ST3GAL3: variants seen among roughly 807,000 people sequenced by gnomAD.
The protein encoded by ST3GAL3 is CMP-N-acetylneuraminate-beta-1,4-galactoside alpha-2,3-sialyltransferase.
A neutral mutation model predicts 50.1 loss-of-function variants in ST3GAL3; 21 were observed. The observed-to-expected ratio is 0.42, with a 90% CI of 0.30 to 0.60. The LOEUF is 0.60. ST3GAL3 is among the 20% of genes least tolerant of loss of function. The pLI, the probability that ST3GAL3 is intolerant of heterozygous loss-of-function variation, is 0.19. For missense variants in ST3GAL3, 353 were observed against 489.4 expected, an observed-to-expected ratio of 0.72 and a Z score of 2.63; for synonymous variants, 183 against 190.0, an observed-to-expected ratio of 0.96 and a Z score of 0.30.
chr1:43,740,875 G>GGA (rs1191131065), intron 2 of ST3GAL3, among the ~76,000 whole-genome samples: 4 of 149,392 alleles, frequency 2.7e-5, no homozygotes, highest in South Asian at 4.3e-4. Flanking sequence ...GGAGGAAGAG[G>GGA]GAGAGAGAGA....
chr1:43,862,988 A>G (rs2070384362), intron 5 of ST3GAL3, among the ~76,000 whole-genome samples: 1 of 152,116 alleles, frequency 6.6e-6, no homozygotes, highest in African/African-American at 2.4e-5. Flanking sequence ...CCTTCAAAAC[A>G]TTGAGTTTGA....
In ST3GAL3 at chr1:43,826,621, C is replaced by T. The variant is rs536455132; in HGVS notation, c.210-11598C>T. Among the ~76,000 whole-genome samples, 20 of 152,230 alleles carry T rather than the reference C, an allele frequency of 1.3e-4. No individual in the cohort carries two copies. In the South Asian group the frequency reaches 1.7e-3, roughly 13 times the overall value. The stretch of plus-strand genomic sequence containing the variant: ...ATTACTCTAGACATTACCCTATTAC[C>T]CAAATAAAGATATTATAAGAAAGGA... On this transcript the variant is annotated intron_variant, in intron 4 of 11. Coordinates refer to ENST00000347631, the MANE Select transcript of ST3GAL3 (RefSeq NM_006279.5).
intron 2 of ST3GAL3, among the ~76,000 whole-genome samples, chr1:43,759,760 C>T (rs1023600194): frequency 2.0e-5 from 3 of 152,194 alleles, no homozygotes; most frequent in Non-Finnish European, 2.9e-5. Flanking sequence ...TTATATTTCT[C>T]ACTGCCACAC....
intron 1 of ST3GAL3, among the ~76,000 whole-genome samples, chr1:43,708,500 T>C (rs542708620): frequency 1.3e-5 from 2 of 152,332 alleles, no homozygotes; most frequent in African/African-American, 4.8e-5. Flanking sequence ...GAAAAAACTC[T>C]TATTAGGTTA....
intron 2 of ST3GAL3, among the ~76,000 whole-genome samples, chr1:43,779,918 C>T (rs529678214): frequency 2.0e-5 from 3 of 152,302 alleles, no homozygotes; most frequent in Admixed American, 2.0e-4. Flanking sequence ...GATTGTCTAT[C>T]AGCTTCATTT....
intron 3 of ST3GAL3, among the ~76,000 whole-genome samples, chr1:43,792,835 C>G (rs974874640): frequency 1.8e-4 from 27 of 152,316 alleles, no homozygotes; most frequent in African/African-American, 6.0e-4. Flanking sequence ...TGGGAAGAGA[C>G]TACTTTGATT....
At chr1:43,919,957 A>G in intron 9 of ST3GAL3, 1 of 305,654 alleles carries the variant, frequency 3.3e-6, no homozygotes, top group Non-Finnish European at 6.3e-6. Flanking sequence ...GTCGATGGAG[A>G]GAGCCAGGAG....
intron 5 of ST3GAL3, among the ~76,000 whole-genome samples, chr1:43,885,627 C>T (rs1412454162): frequency 6.6e-6 from 1 of 152,242 alleles, no homozygotes; most frequent in Non-Finnish European, 1.5e-5. Flanking sequence ...CTGGTCTGGA[C>T]GGAAGCCCCT....
chr1:43,774,123 A>C lies in ST3GAL3; in HGVS notation c.119-17979A>C, dbSNP rs79585028. ...CAATGAGTAAAATTTATTCAAACAC[A>C]GATATATAAGGGAAAAAGACATACT... On this transcript the variant is annotated intron_variant, in intron 2 of 11. Transcript: ENST00000347631. Among the ~76,000 whole-genome samples the C allele has an allele frequency of 0.013, 1,914 of 152,322 alleles. 129 individuals are homozygous for C. The East Asian group carries it at 0.21, about 17-fold the overall frequency.
chr1:43,796,166 T>G (rs2058665438), intron 3 of ST3GAL3, among the ~76,000 whole-genome samples: 1 of 152,192 alleles, frequency 6.6e-6, no homozygotes, highest in Admixed American at 6.5e-5. Context: ...GGAGCTATAG[T>G]CCCAAGAGGA....
At chr1:43,815,181 C>T (rs2061082587) in intron 4 of ST3GAL3, among the ~76,000 whole-genome samples, 1 of 152,156 alleles carries the variant, frequency 6.6e-6, no homozygotes, top group Admixed American at 6.5e-5. Flanking sequence ...AGAAGGAGGC[C>T]ACTGCCAGGA....
intron 5 of ST3GAL3, among the ~76,000 whole-genome samples, chr1:43,875,347 A>G (rs772217141): frequency 2.6e-5 from 4 of 152,146 alleles, no homozygotes; most frequent in African/African-American, 9.7e-5. Context: ...CTAGTTTAAC[A>G]TATAATTTAG....
At chr1:43,792,622 T>C (rs1221561196) in intron 3 of ST3GAL3, among the ~76,000 whole-genome samples, 1 of 152,186 alleles carries the variant, frequency 6.6e-6, no homozygotes, top group Non-Finnish European at 1.5e-5. Context: ...TACAGACCTC[T>C]TCCAGGAGAG....
intron 1 of ST3GAL3, among the ~76,000 whole-genome samples, chr1:43,732,535 C>CA (rs1676394560): frequency 6.6e-6 from 1 of 152,138 alleles, no homozygotes. Flanking sequence ...GCTGCTTCAC[C>CA]ATTCCTTGTT....
At chr1:43,745,786 A>G (rs1683376341) in intron 2 of ST3GAL3, among the ~76,000 whole-genome samples, 1 of 151,956 alleles carries the variant, frequency 6.6e-6, no homozygotes, top group African/African-American at 2.4e-5. Context: ...ATGCCACCAC[A>G]CCCAGCTAAT....
At chr1:43,787,767 T>C (rs116081835) in intron 2 of ST3GAL3, among the ~76,000 whole-genome samples, 1 of 152,254 alleles carries the variant, frequency 6.6e-6, no homozygotes, top group South Asian at 2.1e-4. Flanking sequence ...AGGCGAAGGC[T>C]ATCTCTAATT....
intron 11 of ST3GAL3, among the ~76,000 whole-genome samples, chr1:43,924,772 ATG>A (rs2083619153): frequency 1.3e-5 from 2 of 152,222 alleles, no homozygotes; most frequent in African/African-American, 2.4e-5. Context: ...GTATAAGGTG[ATG>A]AGACAGACTC....
At chr1:43,729,709 G>A (rs1310711967) in intron 1 of ST3GAL3, among the ~76,000 whole-genome samples, 2 of 152,188 alleles carry the variant, frequency 1.3e-5, no homozygotes, top group African/African-American at 4.8e-5. Flanking sequence ...TACCTATTTT[G>A]TGTATGTACC....
intron 1 of ST3GAL3, among the ~76,000 whole-genome samples, chr1:43,717,996 C>T (rs534645039): frequency 1.8e-4 from 28 of 152,000 alleles, no homozygotes; most frequent in Middle Eastern, 6.8e-3. Flanking sequence ...CCTCAGCCTC[C>T]CGAGTAGCTG....
Sources: gnomAD v4.1 joint callset for allele counts (sites outside exome capture counted in the v4.1 genomes callset) on GRCh38, gnomAD v4.1.1 for gene constraint, MANE v1.5 for transcripts, NCBI Gene and HGNC (gene_info 2026-07-23, HGNC 2026-07-21) for gene names.